SETD2: variants seen among roughly 807,000 people sequenced by gnomAD.
The protein encoded by SETD2 is histone-lysine N-methyltransferase SETD2.
In SETD2, 31 loss-of-function variants were observed where a neutral mutation model predicts 242.1. The ratio of observed to expected loss-of-function variants is 0.13; its 90% CI spans 0.10 to 0.17. The LOEUF is 0.17. Among genes scored for constraint, SETD2 ranks in the 10% least tolerant of loss-of-function variants. The probability of loss-of-function intolerance (pLI) is 1.00; values close to 1 mark genes in which losing one functional copy is unlikely to be tolerated. For missense variants in SETD2, 2,481 were observed against 3,046.3 expected (o/e 0.81, Z 4.37); for synonymous variants, 1,006 against 1,066.5 (o/e 0.94, Z 1.11).
chr3:47,135,574 G>A (rs1051244914), intron 1 of SETD2, among the ~76,000 whole-genome samples: 4 of 152,176 alleles, frequency 2.6e-5, no homozygotes, highest in African/African-American at 7.2e-5. Flanking sequence ...GTACAGGCAC[G>A]CCTGGCCTAG....
chr3:47,090,670 G>A (rs963404815), intron 9 of SETD2, among the ~76,000 whole-genome samples: 25 of 152,180 alleles, frequency 1.6e-4, no homozygotes, highest in East Asian at 5.8e-4. Flanking sequence ...GATTATAGCC[G>A]TGAGCCACTG....
chr3:47,088,415 A>C (rs973312829), intron 9 of SETD2, among the ~76,000 whole-genome samples, 168 bp from the exon 10 acceptor site: 1 of 151,868 alleles, frequency 6.6e-6, no homozygotes, highest in Non-Finnish European at 1.5e-5. Context: ...GATAATAACA[A>C]GTCTACTGTT....
At chr3:47,147,716 T>C (rs1268453427) in intron 1 of SETD2, among the ~76,000 whole-genome samples, 1 of 151,556 alleles carries the variant, frequency 6.6e-6, no homozygotes, top group Non-Finnish European at 1.5e-5. Flanking sequence ...GGTCAGGAGA[T>C]CGAGACCATC....
At chr3:47,092,179 C>T (rs376130889) in intron 9 of SETD2, among the ~76,000 whole-genome samples, 10 of 152,202 alleles carry the variant, frequency 6.6e-5, no homozygotes, top group African/African-American at 2.4e-4. Flanking sequence ...AGATGAATAA[C>T]CCTTGAACAT....
At chr3:47,025,282 C>G (rs1330202150) in intron 18 of SETD2, among the ~76,000 whole-genome samples, 3 of 152,178 alleles carry the variant, frequency 2.0e-5, no homozygotes, top group Non-Finnish European at 2.9e-5. Flanking sequence ...GTTTGCTAAA[C>G]CCTCAATCCT....
chr3:47,106,497 A>T (rs1301524938), intron 5 of SETD2, among the ~76,000 whole-genome samples: 3,021 of 31,286 alleles, frequency 0.097, 237 homozygotes, highest in African/African-American at 0.2. Flanking sequence ...TTGCTCTAAA[A>T]AAAAAAAAAA....
chr3:47,117,355 C>T (rs2042904473), intron 3 of SETD2, among the ~76,000 whole-genome samples: 1 of 150,908 alleles, frequency 6.6e-6, no homozygotes, highest in Non-Finnish European at 1.5e-5. Flanking sequence ...TTCAAGACTA[C>T]TCATTCTGGA....
In SETD2 at chr3:47,122,634, G is replaced by A. The variant is rs1423191971; in HGVS notation, c.2002C>T (p.Pro668Ser). ...VKNDQLRSFC[P>S]IELNINGSPG... ...GATCCATTTATATTTAATTCTATGG[G>A]ACAAAAACTTCTTAATTGATCATTC... The change falls in exon 3 of 21, where the codon CCC (proline) becomes TCC (serine). Residue 668 changes from proline to serine, a missense_variant. Transcript: ENST00000409792. 1 of 1,613,636 alleles carries A rather than the reference G, an allele frequency of 6.2e-7. No individual in the cohort carries two copies. The highest frequency in any genetic ancestry group is 1.1e-5 in the South Asian group (1 of 91,068).
intron 1 of SETD2, among the ~76,000 whole-genome samples, chr3:47,137,655 T>C (rs565386677): frequency 2.0e-5 from 3 of 152,268 alleles, no homozygotes; most frequent in East Asian, 3.9e-4. Flanking sequence ...ACTTAGAAGA[T>C]ATGGAGCACT....
In SETD2 at chr3:47,124,388, G is replaced by A. The variant is rs2043242257; in HGVS notation, c.248C>T (p.Thr83Ile). 1 of 1,551,840 alleles carries A rather than the reference G, an allele frequency of 6.4e-7. No individual in the cohort carries two copies. Among genetic ancestry groups the A allele is most frequent in the Non-Finnish European group, 8.7e-7 (1 of 1,147,048 alleles). ...VSFSFSLTKK[T>I]LQNRFLTALG... Reference sequence around the variant, plus strand: ...TGCAGTGAGAAACCTATTCTGCAAAGTTTTCTTTGTAAGGCTGAAGCTGAA... The same window carrying A: ...TGCAGTGAGAAACCTATTCTGCAAAATTTTCTTTGTAAGGCTGAAGCTGAA... The change falls in exon 3 of 21, where the codon ACT becomes ATT. Residue 83 changes from threonine to isoleucine, a missense_variant. Physicochemically the swap from Thr to Ile is moderately conservative, Grantham distance 89. Coordinates refer to ENST00000409792, the MANE Select transcript of SETD2 (RefSeq NM_014159.7).
At chr3:47,045,482 C>T (rs2039479254) in intron 16 of SETD2, among the ~76,000 whole-genome samples, 1 of 148,354 alleles carries the variant, frequency 6.7e-6, no homozygotes, top group South Asian at 2.1e-4. Context: ...CATGCCACTG[C>T]ACTCCAGCCT....
chr3:47,125,353 AC>A (rs1183929893), intron 2 of SETD2, among the ~76,000 whole-genome samples: 12 of 145,786 alleles, frequency 8.2e-5, no homozygotes, highest in South Asian at 2.2e-4. Flanking sequence ...AAAAAAAAAA[AC>A]ATACTCATCT....
chr3:47,030,380 CA>C (rs1427208516), intron 18 of SETD2, among the ~76,000 whole-genome samples: 8 of 151,942 alleles, frequency 5.3e-5, no homozygotes, highest in African/African-American at 1.9e-4. Context: ...AGAAACCACG[CA>C]AACTGAAGCA....
intron 1 of SETD2, among the ~76,000 whole-genome samples, chr3:47,159,777 C>A (rs1575858363): frequency 6.6e-6 from 1 of 152,204 alleles, no homozygotes; most frequent in East Asian, 1.9e-4. Flanking sequence ...GAGTTCAAGA[C>A]CAGCGTGGCC....
chr3:47,096,779 T>C (rs1273815764), intron 9 of SETD2, among the ~76,000 whole-genome samples: 1 of 152,032 alleles, frequency 6.6e-6, no homozygotes, highest in Non-Finnish European at 1.5e-5. Flanking sequence ...TTTGAAAATA[T>C]ATACATTTTT....
intron 9 of SETD2, among the ~76,000 whole-genome samples, chr3:47,091,975 T>C (rs996662207): frequency 6.6e-6 from 1 of 152,094 alleles, no homozygotes; most frequent in Non-Finnish European, 1.5e-5. Context: ...AGGTATTTTC[T>C]TTTTAAAATT....
At chr3:47,058,951 T>C (rs13066564) in intron 14 of SETD2, among the ~76,000 whole-genome samples, 3 of 150,994 alleles carry the variant, frequency 2.0e-5, no homozygotes, top group Non-Finnish European at 2.9e-5. Context: ...CCCGCCACCA[T>C]GCCTGGCTAA....
At chr3:47,055,944 C>T (rs1444690063) in intron 15 of SETD2, among the ~76,000 whole-genome samples, 1 of 132,078 alleles carries the variant, frequency 7.6e-6, no homozygotes, top group Non-Finnish European at 1.5e-5. Context: ...ACCCGGGAGG[C>T]GGAGCTTGCA....
At chr3:47,070,256 T>C (rs2040763596) in intron 12 of SETD2, among the ~76,000 whole-genome samples, 1 of 152,174 alleles carries the variant, frequency 6.6e-6, no homozygotes, top group South Asian at 2.1e-4. Context: ...TATTTTGATG[T>C]TCACAAAATA....
Sources: gnomAD v4.1 joint callset for allele counts (sites outside exome capture counted in the v4.1 genomes callset) on GRCh38, gnomAD v4.1.1 for gene constraint, MANE v1.5 for transcripts, NCBI Gene and HGNC (gene_info 2026-07-23, HGNC 2026-07-21) for gene names.